The following RPS6KC1 variants were observed in gnomAD, a reference collection of about 807,000 sequenced individuals.
RPS6KC1 encodes the protein inactive ribosomal protein S6 kinase delta-1.
In RPS6KC1, 54 loss-of-function variants were observed where a neutral mutation model predicts 103.8. The ratio of observed to expected loss-of-function variants is 0.52; its 90% CI spans 0.42 to 0.65. The LOEUF is 0.65. Ranked by LOEUF, RPS6KC1 falls within the 30% of genes least tolerant of loss-of-function variation. The pLI, the probability that RPS6KC1 is intolerant of heterozygous loss-of-function variation, is 0.00. For missense variants in RPS6KC1, 1,151 were observed against 1,253.8 expected, an observed-to-expected ratio of 0.92 and a Z score of 1.24; for synonymous variants, 439 against 438.7, an observed-to-expected ratio of 1.00 and a Z score of -0.01.
chr1:213,144,415 A>G (rs1454907428), intron 6 of RPS6KC1, among the ~76,000 whole-genome samples: 1 of 152,034 alleles, frequency 6.6e-6, no homozygotes, highest in Non-Finnish European at 1.5e-5. Context: ...AGCTGGGATT[A>G]TAGCTGTGAA....
chr1:213,069,822 T>A (rs1572329607), intron 1 of RPS6KC1, among the ~76,000 whole-genome samples: 1 of 152,234 alleles, frequency 6.6e-6, no homozygotes, highest in East Asian at 1.9e-4. Flanking sequence ...ACCGTTAATT[T>A]GACACTTACA....
intron 14 of RPS6KC1, among the ~76,000 whole-genome samples, chr1:213,265,339 T>C (rs1341565347): frequency 1.3e-5 from 2 of 152,214 alleles, no homozygotes; most frequent in Non-Finnish European, 2.9e-5. Context: ...AAATTGACTT[T>C]AGTAAAAGTC....
At chr1:213,070,662 GTTGGCTCTCT>G (rs759507896) in intron 1 of RPS6KC1, among the ~76,000 whole-genome samples, 1 of 152,206 alleles carries the variant, frequency 6.6e-6, no homozygotes, top group African/African-American at 2.4e-5. Flanking sequence ...TGTTTGAACA[GTTGGCTCTCT>G]TTGGCCAAAA....
the RPS6KC1 span, among the ~76,000 whole-genome samples, chr1:213,495,950 C>G: frequency 1.3e-5 from 2 of 151,648 alleles, no homozygotes; most frequent in Non-Finnish European, 2.9e-5. Flanking sequence ...ATTTTTATTA[C>G]CCTCTTAGAA....
the RPS6KC1 span, among the ~76,000 whole-genome samples, chr1:213,740,770 T>C: frequency 1.6e-3 from 149 of 92,144 alleles, 1 homozygote; most frequent in African/African-American, 5.9e-3. Flanking sequence ...CTCAGATATA[T>C]GTACACATAT....
intron 6 of RPS6KC1, among the ~76,000 whole-genome samples, chr1:213,153,657 C>A (rs1048815108): frequency 6.6e-6 from 1 of 152,138 alleles, no homozygotes; most frequent in African/African-American, 2.4e-5. Flanking sequence ...TGTGTACTTA[C>A]TATTACTAGT....
chr1:213,326,393 C>A, the RPS6KC1 span, among the ~76,000 whole-genome samples: 1 of 152,298 alleles, frequency 6.6e-6, no homozygotes, highest in African/African-American at 2.4e-5. Flanking sequence ...ATTAGGAACA[C>A]AGACAAAAGA....
At chr1:213,281,241 C>T in the RPS6KC1 span, among the ~76,000 whole-genome samples, 1 of 152,222 alleles carries the variant, frequency 6.6e-6, no homozygotes, top group Non-Finnish European at 1.5e-5. Context: ...TTCTCACTTG[C>T]GCATATACCT....
the RPS6KC1 span, among the ~76,000 whole-genome samples, chr1:213,313,399 A>G: frequency 6.7e-6 from 1 of 148,964 alleles, no homozygotes; most frequent in Admixed American, 6.7e-5. Flanking sequence ...ACTCCTCCCC[A>G]CCTCCCCTAC....
At chr1:213,518,157 A>G in the RPS6KC1 span, among the ~76,000 whole-genome samples, 1 of 152,202 alleles carries the variant, frequency 6.6e-6, no homozygotes, top group African/African-American at 2.4e-5. Context: ...GTTTTAAAAA[A>G]ACCTCCAGAA....
the RPS6KC1 span, among the ~76,000 whole-genome samples, chr1:213,759,978 A>AG: frequency 2.6e-5 from 4 of 152,128 alleles, no homozygotes; most frequent in African/African-American, 9.7e-5. Flanking sequence ...AGGTGCCTCA[A>AG]GTCATCATGT....
the RPS6KC1 span, among the ~76,000 whole-genome samples, chr1:213,750,689 A>G: frequency 6.6e-6 from 1 of 152,136 alleles, no homozygotes; most frequent in Non-Finnish European, 1.5e-5. Context: ...ATCCAGGTAG[A>G]GATTTAATAG....
At chr1:213,127,361 A>T (rs963100206) in intron 5 of RPS6KC1, among the ~76,000 whole-genome samples, 6 of 152,186 alleles carry the variant, frequency 3.9e-5, no homozygotes, top group South Asian at 2.1e-4. Flanking sequence ...ATTTTTCCTA[A>T]GTAGTAGAAA....
intron 6 of RPS6KC1, among the ~76,000 whole-genome samples, chr1:213,155,334 T>C (rs993042344): frequency 2.0e-5 from 3 of 152,164 alleles, no homozygotes; most frequent in African/African-American, 7.2e-5. Flanking sequence ...GCCTACAAGT[T>C]GCAGTCCTTA....
the RPS6KC1 span, among the ~76,000 whole-genome samples, chr1:213,319,157 TTAG>T: frequency 2.9e-4 from 44 of 152,016 alleles, no homozygotes; most frequent in Non-Finnish European, 4.9e-4. Context: ...AATACAAAAA[TTAG>T]CCGGGCTTGG....
At chr1:213,271,632 C>G (rs549716486) in intron 14 of RPS6KC1, among the ~76,000 whole-genome samples, 1 of 151,974 alleles carries the variant, frequency 6.6e-6, no homozygotes, top group Admixed American at 6.6e-5. Context: ...GGCATGGTGG[C>G]GCGCGCCTGT....
the RPS6KC1 span, among the ~76,000 whole-genome samples, chr1:213,648,403 A>T: frequency 6.6e-6 from 1 of 152,154 alleles, no homozygotes; most frequent in Non-Finnish European, 1.5e-5. Context: ...ATCTTGGTGC[A>T]ATGTCTGCTG....
intron 2 of RPS6KC1, among the ~76,000 whole-genome samples, chr1:213,076,638 C>T (rs1302678354): frequency 1.3e-5 from 2 of 149,936 alleles, no homozygotes; most frequent in Non-Finnish European, 3.0e-5. Flanking sequence ...TAGATATAAT[C>T]TGAGTAAGGT....
At chr1:213,123,627 C>T (rs2084645381) in intron 5 of RPS6KC1, among the ~76,000 whole-genome samples, 1 of 152,090 alleles carries the variant, frequency 6.6e-6, no homozygotes, top group African/African-American at 2.4e-5. Context: ...CACTTAAAAT[C>T]ATATTTATAA....
Sources: allele counts gnomAD v4.1 joint callset (sites outside exome capture counted in the v4.1 genomes callset), GRCh38; gene constraint gnomAD v4.1.1; transcripts MANE v1.5; gene names NCBI Gene and HGNC (gene_info 2026-07-23, HGNC 2026-07-21).